PEX11G: variants seen among roughly 807,000 people sequenced by gnomAD.
PEX11G encodes peroxisomal membrane protein 11C.
PEX11G carries 20 observed loss-of-function variants against 22.5 expected under a neutral mutation model. That is an observed-to-expected ratio of 0.89 (90% CI 0.62 to 1.29). The LOEUF (loss-of-function observed/expected upper bound fraction) is 1.29, where lower values mean the gene tolerates loss of function less well. Among genes scored for constraint, PEX11G ranks in the 50% most tolerant of loss-of-function variants. PEX11G has a pLI of 0.00. For missense variants in PEX11G, 347 were observed against 331.3 expected (o/e 1.05, Z -0.37); for synonymous variants, 141 against 154.5 (o/e 0.91, Z 0.65).
At chr19:7,487,985 A>G (rs775822999) in intron 1 of PEX11G, among the ~76,000 whole-genome samples, 4 of 152,144 alleles carry the variant, frequency 2.6e-5, no homozygotes, top group Admixed American at 6.5e-5. Context: ...AAGAGTCCAG[A>G]CTCAGGGGCA....
upstream of PEX11G, among the ~76,000 whole-genome samples, chr19:7,492,171 T>C (rs1431434706): frequency 6.6e-6 from 1 of 152,202 alleles, no homozygotes; most frequent in Non-Finnish European, 1.5e-5. Flanking sequence ...CTGGATTCCA[T>C]TCCTTTGGGT....
chr19:7,493,547 C>T (rs1027687280), upstream of PEX11G, among the ~76,000 whole-genome samples: 10 of 151,984 alleles, frequency 6.6e-5, no homozygotes, highest in Non-Finnish European at 1.2e-4. Flanking sequence ...CTCTGTTGCC[C>T]AGGCTGGAGT....
Position 7,477,423 on chromosome 19 carries a change from C to T in PEX11G, c.505G>A (p.Gly169Ser). 1.4e-6 allele frequency: 2 copies of T among 1,458,776 alleles called. No individual in the cohort carries two copies. The highest frequency in any genetic ancestry group is 1.8e-6 in the Non-Finnish European group (2 of 1,109,940). 90.4% of individuals were successfully genotyped at this position (1,458,776 alleles called of 1,614,324 possible). A position where few individuals can be genotyped will look rare whatever the true frequency, so the allele number is the denominator to read the frequency against. ...TAPFTSPLPR[G>S]KRRAMEAQMQ... ...TGCGCCTCCATGGCCCTCCGCTTGC[C>T]CCGGGGCAGCGGGCTGTGGGGCAGA... is the stretch of plus-strand genomic sequence containing the variant. Residue 169 changes from glycine to serine, a missense_variant, in exon 5 of 5, where the codon GGC becomes AGC. Gly to Ser is a moderately conservative substitution (Grantham distance 56). Transcript: ENST00000221480.
chr19:7,478,964 T>C (rs1977368947), intron 3 of PEX11G, among the ~76,000 whole-genome samples: 1 of 152,028 alleles, frequency 6.6e-6, no homozygotes, highest in Non-Finnish European at 1.5e-5. Context: ...CAGCCGTGCA[T>C]GGCACCCACC....
At chr19:7,493,342 G>A (rs2021922279), upstream of PEX11G, among the ~76,000 whole-genome samples, 1 of 151,566 alleles carries the variant, frequency 6.6e-6, no homozygotes, top group African/African-American at 2.4e-5. Flanking sequence ...ACAGGCACCT[G>A]CTACCACGCC....
chr19:7,489,099 G>T, upstream of PEX11G: 1 of 1,355,526 alleles, frequency 7.4e-7, no homozygotes. Context: ...AAAGGCTTGC[G>T]CGCAGGCGCG....
chr19:7,484,238 C>T (rs1355394852), intron 2 of PEX11G, among the ~76,000 whole-genome samples: 1 of 151,978 alleles, frequency 6.6e-6, no homozygotes, highest in Non-Finnish European at 1.5e-5. Context: ...CCTGCAGTCC[C>T]AGCTATTCCG....
chr19:7,477,182 C>T lies in PEX11G; in HGVS notation c.*20G>A. 6.9e-7 allele frequency: 1 copy of T among 1,453,884 alleles called. No individual in the cohort carries two copies. The highest frequency in any genetic ancestry group is 1.5e-5 in the South Asian group (1 of 68,208). 90.1% of individuals were successfully genotyped at this position (1,453,884 alleles called of 1,614,324 possible). On this transcript the variant is annotated 3_prime_UTR_variant, in exon 5 of 5. Coordinates refer to ENST00000221480, the MANE Select transcript of PEX11G (RefSeq NM_080662.4). ...GCCCTCCGTGGGCTCTGGCTGTGTC[C>T]CTGTGCTCTTCCGGCAGTGTCAGGG...
At chr19:7,490,944 C>CTTTTTAT (rs933856204), upstream of PEX11G, 2 of 151,810 alleles carry the variant, frequency 1.3e-5, no homozygotes, top group Non-Finnish European at 2.9e-5. Context: ...TGGCTAATTT[C>CTTTTTAT]TTTTTATTTT....
At chr19:7,478,734 T>G (rs1323768475) in intron 3 of PEX11G, among the ~76,000 whole-genome samples, 1 of 152,228 alleles carries the variant, frequency 6.6e-6, no homozygotes, top group African/African-American at 2.4e-5. Flanking sequence ...AGGCCCGCAG[T>G]TGGACAGGCG....
At chr19:7,492,604 G>A (rs573809996), upstream of PEX11G, among the ~76,000 whole-genome samples, 539 of 152,098 alleles carry the variant, frequency 3.5e-3, 3 homozygotes, top group Non-Finnish European at 6.0e-3. Context: ...CACTGTGCCC[G>A]GCTAATTTTA....
chr19:7,477,427 G>A lies in PEX11G; in HGVS notation c.501C>T (p.Pro167=), dbSNP rs1489718836. ...SPTAPFTSPL[P]RGKRRAMEAQ... ...CCTCCATGGCCCTCCGCTTGCCCCG[G>A]GGCAGCGGGCTGTGGGGCAGAGAGG... is the stretch of plus-strand genomic sequence containing the variant. Residue 167 remains proline, a synonymous_variant, in exon 5 of 5, where the codon CCC becomes CCT. Coordinates refer to ENST00000221480, the MANE Select transcript of PEX11G (RefSeq NM_080662.4). The A allele has an allele frequency of 1.4e-6, 2 of 1,448,650 alleles. No homozygotes were observed. Among genetic ancestry groups the A allele is most frequent in the Non-Finnish European group, 1.8e-6 (2 of 1,105,366 alleles). 89.7% of individuals were successfully genotyped at this position (1,448,650 alleles called of 1,614,324 possible).
Position 7,477,378 on chromosome 19 carries a change from A to C in PEX11G, c.550T>G (p.Ser184Ala). 1.3e-6 allele frequency: 2 copies of C among 1,555,718 alleles called. No individual in the cohort carries two copies. Among genetic ancestry groups the C allele is most frequent in the Non-Finnish European group, 1.7e-6 (2 of 1,152,942 alleles). ...MEAQMQSEAL[S>A]LLSNLADLAN... ...AGGTCGGCCAGGTTGCTGAGAAGTG[A>C]CAGCGCCTCCGACTGCATCTGCGCC... Residue 184 changes from serine to alanine, a missense_variant, in exon 5 of 5, where the codon TCA (serine) becomes GCA (alanine). Transcript: ENST00000221480.
intron 3 of PEX11G, among the ~76,000 whole-genome samples, chr19:7,480,234 T>G (rs2145955080): frequency 1.3e-5 from 2 of 150,706 alleles, no homozygotes; most frequent in Admixed American, 6.6e-5. Flanking sequence ...AGCCACTGCT[T>G]TTCAGCCTGT....
intron 1 of PEX11G, among the ~76,000 whole-genome samples, chr19:7,487,654 TCAGA>T (rs1292693304): frequency 6.6e-6 from 1 of 152,134 alleles, no homozygotes; most frequent in Non-Finnish European, 1.5e-5. Context: ...ACTCCTGAGC[TCAGA>T]CAATCCACCC....
rs1181357386 is a variant in PEX11G at position 7,482,040 on chromosome 19, C to A, written c.421G>T (p.Val141Phe). 6.9e-6 allele frequency: 11 copies of A among 1,596,510 alleles called. No individual in the cohort carries two copies. In the South Asian group the frequency reaches 1.2e-4, roughly 18 times the overall value. ...TLWALSLLLG[V>F]ARSLWMLLKL... ...CTGGCCCATGCCACTTACCTGGCAA[C>A]CCCCAGGAGCAGAGAGAGGGCCCAC... Residue 141 changes from valine (V) to phenylalanine (F), a missense_variant, in exon 3 of 5, where the codon GTT (valine) becomes TTT (phenylalanine). Transcript: ENST00000221480.
chr19:7,487,703 C>G (rs1376548514), intron 1 of PEX11G, among the ~76,000 whole-genome samples: 1 of 152,152 alleles, frequency 6.6e-6, no homozygotes, highest in Non-Finnish European at 1.5e-5. Flanking sequence ...ATCACAGGCG[C>G]GAGCCACCAC....
chr19:7,480,604 C>G (rs544567118), intron 3 of PEX11G, among the ~76,000 whole-genome samples: 1 of 152,270 alleles, frequency 6.6e-6, no homozygotes, highest in East Asian at 1.9e-4. Context: ...GTGGGTAATT[C>G]GAATCTTCTA....
Position 7,482,061 on chromosome 19 carries a change from C to T in PEX11G, c.400G>A (p.Ala134Thr). 11 of 1,604,692 alleles carry T rather than the reference C, an allele frequency of 6.9e-6. No individual in the cohort carries two copies. Among genetic ancestry groups the T allele is most frequent in the Non-Finnish European group, 9.3e-6 (11 of 1,176,768 alleles). ...RWWTLSTTLW[A>T]LSLLLGVARS... is the part of the protein sequence containing the mutation. ...GCAACCCCCAGGAGCAGAGAGAGGG[C>T]CCACAGGGTTGTACTCAGCGTCCAC... Residue 134 changes from alanine (A) to threonine (T), a missense_variant, in exon 3 of 5, where the codon GCC (alanine) becomes ACC (threonine). Transcript: ENST00000221480.
Sources: allele counts gnomAD v4.1 joint callset (sites outside exome capture counted in the v4.1 genomes callset), GRCh38; gene constraint gnomAD v4.1.1; transcripts MANE v1.5; gene names NCBI Gene and HGNC (gene_info 2026-07-23, HGNC 2026-07-21).